The following MKI67 variants were observed in gnomAD, a reference collection of about 807,000 sequenced individuals.
The protein encoded by MKI67 is marker of proliferation Ki-67, also known as proliferation marker protein Ki-67.
Under a neutral mutation model 233.5 loss-of-function variants are expected in MKI67, and 152 were observed. That is an observed-to-expected ratio of 0.65 (90% CI 0.57 to 0.74). The LOEUF (loss-of-function observed/expected upper bound fraction) is 0.74, where lower values mean the gene tolerates loss of function less well. Among genes scored for constraint, MKI67 ranks in the 30% least tolerant of loss-of-function variants. The pLI, the probability that MKI67 is intolerant of heterozygous loss-of-function variation, is 0.00. For synonymous variants in MKI67, 1,465 were observed against 1,418.5 expected (o/e 1.03, Z -0.74); for missense variants, 3,940 against 3,885.2 (o/e 1.01, Z -0.37).
At chr10:128,118,221 C>A (rs1453223605) in intron 5 of MKI67, among the ~76,000 whole-genome samples, 1 of 152,008 alleles carries the variant, frequency 6.6e-6, no homozygotes, top group South Asian at 2.1e-4. Flanking sequence ...TATGGTGAAA[C>A]CCTGTCTCTA....
chr10:128,114,871 G>A, intron 7 of MKI67, 57 bp downstream of exon 7: 2 of 1,451,094 alleles, frequency 1.4e-6, no homozygotes, highest in Middle Eastern at 1.8e-4. Context: ...AGGTCTCACA[G>A]CTACATAGAA....
At position 128,107,024 on chromosome 10, in the gene MKI67, T is replaced by C. The variant is rs1852517196; in HGVS notation, c.4816A>G (p.Thr1606Ala). The C allele has an allele frequency of 1.2e-6, 2 of 1,614,156 alleles. No individual in the cohort carries two copies. The highest frequency in any genetic ancestry group is 1.3e-5 in the African/African-American group (1 of 75,010). ...QTRGHTEESM[T>A]NDKTAKVACK... The stretch of plus-strand genomic sequence containing the variant: ...GCTACTTTGGCAGTTTTATCGTTAG[T>C]CATTGATTCCTCAGTGTGACCTCGT... The change falls in exon 13 of 15, where the codon ACT (threonine) becomes GCT (alanine). Residue 1606 changes from threonine (T) to alanine (A), a missense_variant. By Grantham distance (58) the Thr-to-Ala change is moderately conservative (BLOSUM62 0). Coordinates refer to ENST00000368654, the MANE Select transcript of MKI67 (RefSeq NM_002417.5).
In MKI67 at chr10:128,107,619, C is replaced by A. The variant is rs965839607; in HGVS notation, c.4221G>T (p.Leu1407=). Residue 1407 remains leucine (L), a synonymous_variant, in exon 13 of 15, where the codon CTG becomes CTT. Transcript: ENST00000368654. ...CCCCTGATGTCTGTGTGAGCTTCTTCAGGGCTGAGAGCTCCTTCTGTACGT... is the reference window on the plus strand; with the variant it reads ...CCCCTGATGTCTGTGTGAGCTTCTTAAGGGCTGAGAGCTCCTTCTGTACGT... The part of the protein sequence containing the change: ...KRDVQKELSA[L]KKLTQTSGET... 4.3e-6 allele frequency: 7 copies of A among 1,614,112 alleles called. No individual in the cohort carries two copies. Among genetic ancestry groups the A allele is most frequent in the Non-Finnish European group, 5.9e-6 (7 of 1,180,032 alleles).
In MKI67 at chr10:128,125,496, G is replaced by T; in HGVS notation, c.92+80C>A. 1 of 1,082,856 alleles carries T rather than the reference G, an allele frequency of 9.2e-7. No homozygotes were observed. 67.1% of individuals were successfully genotyped at this position (1,082,856 alleles called of 1,614,324 possible). ...TGACGGCAGGACCCAATCCTAGAGCGCGTTTCTGGACTTTATTCTGTGACT... is the reference window on the plus strand; with the variant it reads ...TGACGGCAGGACCCAATCCTAGAGCTCGTTTCTGGACTTTATTCTGTGACT... On this transcript the variant is annotated intron_variant, in intron 2 of 14. Transcript: ENST00000368654. The surrounding 1 kb of genome is among the most constrained non-coding windows in gnomAD (Gnocchi z 5.3).
At position 128,102,803 on chromosome 10, in the gene MKI67, G is replaced by A. The variant is rs201742330; in HGVS notation, c.9037C>T (p.Arg3013Cys). The part of the protein sequence containing the change: ...DGSVTGTKRL[R>C]CMPAPEEIVE... ...ATTTCCTCTGGTGCTGGCATGCAGC[G>A]CAGCCTCTTGGTTCCCGTGACGCTT... The change falls in exon 13 of 15, where the codon CGC (arginine) becomes TGC (cysteine). Residue 3013 changes from arginine (R) to cysteine (C), a missense_variant. Arg to Cys is a radical substitution (Grantham distance 180). Transcript: ENST00000368654. The A allele has an allele frequency of 1.1e-5, 17 of 1,611,940 alleles. No individual in the cohort carries two copies. The highest frequency in any genetic ancestry group is 4.5e-5 in the East Asian group (2 of 44,884).
rs754733861 is a variant in MKI67, at chr10:128,107,708, G to A, written c.4132C>T (p.Pro1378Ser). The change falls in exon 13 of 15, where the codon CCA (proline) becomes TCA (serine). Residue 1378 changes from proline (P) to serine (S), a missense_variant. Pro to Ser is a moderately conservative substitution (Grantham distance 74). Transcript: ENST00000368654. The stretch of plus-strand genomic sequence containing the variant: ...CTTGTTGGGGTGTCTGCTGATTCTG[G>A]TGGAGAAGATTCGCAGGGCATTTTA... ...TTKMPCESSP[P>S]ESADTPTSTR... The A allele has an allele frequency of 3.1e-6, 5 of 1,613,032 alleles. No homozygotes were observed. The East Asian group carries it at 1.1e-4, about 36-fold the overall frequency.
At position 128,115,594 on chromosome 10, in the gene MKI67, T is replaced by A. The variant is rs145515058; in HGVS notation, c.814A>T (p.Thr272Ser). Residue 272 changes from threonine (T) to serine (S), a missense_variant, in exon 7 of 15, where the codon ACA becomes TCA. Thr to Ser is a moderately conservative substitution (Grantham distance 58, BLOSUM62 1). Coordinates refer to ENST00000368654, the MANE Select transcript of MKI67 (RefSeq NM_002417.5). ...AAACCATCAGCACTTTCTTTCTCTGTTGCGTAATCAGTTTGTAATCCAGAT... is the reference window on the plus strand; with the variant it reads ...AAACCATCAGCACTTTCTTTCTCTGATGCGTAATCAGTTTGTAATCCAGAT... ...RKSGLQTDYA[T>S]EKESADGLQG... 2 of 1,614,128 alleles carry A rather than the reference T, an allele frequency of 1.2e-6. No homozygotes were observed. Among genetic ancestry groups the A allele is most frequent in the African/African-American group, 2.7e-5 (2 of 74,948 alleles).
chr10:128,101,408 A>T lies in MKI67; in HGVS notation c.9555T>A (p.Asn3185Lys), dbSNP rs746448069. The T allele has an allele frequency of 5.0e-6, 8 of 1,613,794 alleles. No individual in the cohort carries two copies. The highest frequency in any genetic ancestry group is 6.8e-6 in the Non-Finnish European group (8 of 1,180,026). The change falls in exon 14 of 15, where the codon AAT becomes AAA. Residue 3185 changes from asparagine to lysine, a missense_variant. By Grantham distance (94) the Asn-to-Lys change is moderately conservative. Transcript: ENST00000368654. ...TTCCTGCTTCTCCTTTCCCTTTCTG[A>T]TTCTGCATGAGAACCTTCGCACTCT... ...GQKSAKVLMQ[N>K]QKGKGEAGNS... is the part of the protein sequence containing the mutation.
intron 12 of MKI67, 41 bp from the exon 13 acceptor site, chr10:128,109,464 T>A: frequency 6.4e-7 from 1 of 1,569,004 alleles, no homozygotes; most frequent in Non-Finnish European, 8.6e-7. Flanking sequence ...TCTATTAGTG[T>A]CTCATGTCAA....
Position 128,125,678 on chromosome 10 carries a change from G to C in MKI67, c.-11C>G. ...TCTCGTGGGCCACATTTTCTAAACAGTAAGTTGAGTATAATCCGTAGGGGA... is the reference window on the plus strand; with the variant it reads ...TCTCGTGGGCCACATTTTCTAAACACTAAGTTGAGTATAATCCGTAGGGGA... On this transcript the variant is annotated 5_prime_UTR_variant, in exon 2 of 15. Transcript: ENST00000368654. The surrounding 1 kb of genome is among the most constrained non-coding windows in gnomAD (Gnocchi z 5.3). The C allele has an allele frequency of 6.2e-7, 1 of 1,610,746 alleles. No homozygotes were observed. Among genetic ancestry groups the C allele is most frequent in the South Asian group, 1.1e-5 (1 of 91,000 alleles).
At chr10:128,111,544 A>G (rs1852674050) in intron 11 of MKI67, 101 bp downstream of exon 11, 1 of 1,018,504 alleles carries the variant, frequency 9.8e-7, no homozygotes, top group African/African-American at 1.6e-5. Context: ...TTATTTTATA[A>G]TCTCTTTCAC....
rs1274584619 is a variant in MKI67, at chr10:128,109,321, T to C, written c.2519A>G (p.Asn840Ser). The change falls in exon 13 of 15, where the codon AAC (asparagine) becomes AGC (serine). Residue 840 changes from asparagine (N) to serine (S), a missense_variant. Physicochemically the swap from Asn to Ser is conservative, Grantham distance 46. Transcript: ENST00000368654. ...GGTGTTCCTGGGCGTTTTTGCTACG[T>C]TTCCATTTTCTCTAATACACTGCCG... is the stretch of plus-strand genomic sequence containing the variant. ...LRRQCIRENG[N>S]VAKTPRNTYK... is the part of the protein sequence containing the mutation. The C allele has an allele frequency of 1.9e-6, 3 of 1,614,210 alleles. No individual in the cohort carries two copies. The highest frequency in any genetic ancestry group is 1.1e-5 in the South Asian group (1 of 91,080).
chr10:128,112,490 A>C, intron 8 of MKI67, 45 bp from the exon 9 acceptor site: 1 of 1,559,132 alleles, frequency 6.4e-7, no homozygotes, highest in Non-Finnish European at 8.8e-7. Context: ...CAAGGATCTA[A>C]CATCTCTGGA....
rs1852982621 is a variant in MKI67, at chr10:128,122,974, G to A, written c.194C>T (p.Ser65Phe). The A allele has an allele frequency of 6.2e-7, 1 of 1,607,024 alleles. No individual in the cohort carries two copies. The highest frequency in any genetic ancestry group is 1.1e-5 in the South Asian group (1 of 90,748). ...EQEAILHNFS[S>F]TNPTQVNGSV... is the part of the protein sequence containing the mutation. ...CCCATTTACTTGTGTTGGATTTGTG[G>A]AACTGAAATTATGTAATATTGCCTG... The change falls in exon 4 of 15, where the codon TCC becomes TTC. Residue 65 changes from serine to phenylalanine, a missense_variant. Transcript: ENST00000368654.
At chr10:128,099,314 C>T (rs1364401394) in intron 14 of MKI67, 59 bp from the exon 15 acceptor site, 44 of 1,396,066 alleles carry the variant, frequency 3.2e-5, no homozygotes, top group East Asian at 4.7e-5. Context: ...TTTTTAGAAT[C>T]GACCTCCTCT....
chr10:128,114,785 G>A lies in MKI67; in HGVS notation c.1480+143C>T, dbSNP rs767837273. 5.2e-5 allele frequency: 39 copies of A among 746,852 alleles called. No homozygotes were observed. In the Middle Eastern group the frequency reaches 1.2e-3, roughly 23 times the overall value. 46.3% of individuals were successfully genotyped at this position (746,852 alleles called of 1,614,324 possible). On this transcript the variant is annotated intron_variant, in intron 7 of 14. Transcript: ENST00000368654. ...GTATTCATCTATTAGCGAAAACAGCGTGCGTGTCTGTCTTATCCCTGTGCC... is the reference window on the plus strand; with the variant it reads ...GTATTCATCTATTAGCGAAAACAGCATGCGTGTCTGTCTTATCCCTGTGCC...
rs1452754664 is a variant in MKI67 at position 128,115,953 on chromosome 10, GA to G, written c.454del (p.Ser152GlnfsTer60). On this transcript the variant is annotated frameshift_variant, in exon 7 of 15. Coordinates refer to ENST00000368654, the MANE Select transcript of MKI67 (RefSeq NM_002417.5). LOFTEE classifies it high-confidence loss of function. ...AYSKITEGKV[S>X]GNPQVHIKNV... ...CTTGATATGTACCTGAGGATTTCCT[GA>G]AACTTTTCCTTCAGTGATTTTTGAA... The G allele has an allele frequency of 1.2e-6, 2 of 1,608,130 alleles. No individual in the cohort carries two copies. The highest frequency in any genetic ancestry group is 1.7e-6 in the Non-Finnish European group (2 of 1,178,926).
intron 11 of MKI67, 169 bp downstream of exon 11, chr10:128,111,476 A>T: frequency 1.6e-6 from 1 of 626,190 alleles, no homozygotes; most frequent in Non-Finnish European, 2.6e-6. Context: ...TGTCTTTGCA[A>T]GCCAAAACAG....
chr10:128,102,468 C>A, intron 13 of MKI67, 111 bp downstream of exon 13: 1 of 1,349,598 alleles, frequency 7.4e-7, no homozygotes, highest in Non-Finnish European at 1.0e-6. Flanking sequence ...TAAAGGAAAC[C>A]CTCTGGGGAA....
Sources: allele counts gnomAD v4.1 joint callset (sites outside exome capture counted in the v4.1 genomes callset), GRCh38; gene constraint gnomAD v4.1.1; non-coding constraint Gnocchi (gnomAD v3.1); transcripts MANE v1.5; gene names NCBI Gene and HGNC (gene_info 2026-07-23, HGNC 2026-07-21).